Variants in FSTL5 observed in about 807,000 individuals in gnomAD.
The protein encoded by FSTL5 is follistatin like 5.
A neutral mutation model predicts 89.1 loss-of-function variants in FSTL5; 62 were observed. The observed-to-expected ratio is 0.70, with a 90% CI of 0.57 to 0.86. The LOEUF (loss-of-function observed/expected upper bound fraction) is 0.86, where lower values mean the gene tolerates loss of function less well. Ranked by LOEUF, FSTL5 falls within the 40% of genes least tolerant of loss-of-function variation. FSTL5 has a pLI of 0.00. For synonymous variants in FSTL5, 383 were observed against 346.2 expected (o/e 1.11, Z -1.18); for missense variants, 1,057 against 1,001.6 (o/e 1.06, Z -0.75).
intron 4 of FSTL5, among the ~76,000 whole-genome samples, chr4:161,877,697 G>A (rs915419445): frequency 2.0e-5 from 3 of 151,670 alleles, no homozygotes; most frequent in African/African-American, 2.4e-5. Context: ...GTTGTGGCGG[G>A]CCCCTGTAGT....
intron 1 of FSTL5, among the ~76,000 whole-genome samples, chr4:162,158,070 C>A (rs1733553011): frequency 6.6e-6 from 1 of 152,100 alleles, no homozygotes; most frequent in South Asian, 2.1e-4. Flanking sequence ...GATTTAATCT[C>A]ACAGACTGTT....
intron 3 of FSTL5, among the ~76,000 whole-genome samples, chr4:162,021,241 T>C (rs1737073519): frequency 1.3e-5 from 2 of 152,098 alleles, no homozygotes; most frequent in Admixed American, 1.3e-4. Context: ...TATAGGTCTA[T>C]CCCAAAATAG....
intron 15 of FSTL5, among the ~76,000 whole-genome samples, chr4:161,400,135 T>G (rs1257314025): frequency 6.6e-6 from 1 of 152,062 alleles, no homozygotes; most frequent in African/African-American, 2.4e-5. Context: ...TGTCCAAATC[T>G]CCAAAATAAA....
intron 4 of FSTL5, among the ~76,000 whole-genome samples, chr4:161,840,892 A>G (rs1731188726): frequency 6.6e-6 from 1 of 152,136 alleles, no homozygotes; most frequent in Admixed American, 6.6e-5. Flanking sequence ...TCAAAGGAGG[A>G]GGGAGAGTGA....
intron 10 of FSTL5, among the ~76,000 whole-genome samples, chr4:161,516,706 AAT>A (rs146526619): frequency 0.28 from 34,619 of 123,366 alleles, 6,190 homozygotes; most frequent in African/African-American, 0.31. Flanking sequence ...ATTATATGTA[AAT>A]ATATATATAT....
At chr4:161,992,928 G>A (rs372329601) in intron 3 of FSTL5, among the ~76,000 whole-genome samples, 160 of 7,722 alleles carry the variant, frequency 0.021, 2 homozygotes, top group African/African-American at 0.028. Context: ...ATATATATGT[G>A]TGTATATATA....
chr4:161,690,150 T>TG (rs2126718397), intron 6 of FSTL5, among the ~76,000 whole-genome samples: 1 of 152,228 alleles, frequency 6.6e-6, no homozygotes, highest in South Asian at 2.1e-4. Flanking sequence ...AGCCGAATGC[T>TG]GGGGCATATG....
intron 4 of FSTL5, among the ~76,000 whole-genome samples, chr4:161,834,144 C>A (rs970951191): frequency 6.6e-6 from 1 of 152,012 alleles, no homozygotes; most frequent in Non-Finnish European, 1.5e-5. Context: ...AAGGCTGGTT[C>A]AATATATGCA....
chr4:161,968,544 C>A (rs940400297), intron 3 of FSTL5, among the ~76,000 whole-genome samples: 1 of 151,924 alleles, frequency 6.6e-6, no homozygotes. Flanking sequence ...CAGAACTCCA[C>A]CATTTAATAT....
At chr4:161,877,141 G>T (rs944309923) in intron 4 of FSTL5, among the ~76,000 whole-genome samples, 3 of 144,236 alleles carry the variant, frequency 2.1e-5, no homozygotes, top group African/African-American at 7.7e-5. Flanking sequence ...CCGAGATCGC[G>T]CCCTTGCACT....
At chr4:161,783,700 TTTC>T (rs1246470148) in intron 4 of FSTL5, among the ~76,000 whole-genome samples, 1 of 28,036 alleles carries the variant, frequency 3.6e-5, no homozygotes, top group African/African-American at 1.1e-4. Flanking sequence ...TCTTTCTTTC[TTTC>T]TTTCTTTCTT....
chr4:161,739,373 C>T (rs906790006), intron 6 of FSTL5, among the ~76,000 whole-genome samples: 1 of 152,140 alleles, frequency 6.6e-6, no homozygotes, highest in Non-Finnish European at 1.5e-5. Flanking sequence ...AAGGAACCCA[C>T]CTTTATTTTG....
At chr4:162,148,412 A>G (rs1733085679) in intron 1 of FSTL5, among the ~76,000 whole-genome samples, 1 of 152,162 alleles carries the variant, frequency 6.6e-6, no homozygotes. Context: ...TGGACCTTTA[A>G]TGCATTTTCA....
intron 6 of FSTL5, among the ~76,000 whole-genome samples, chr4:161,751,675 G>A (rs896508461): frequency 6.6e-5 from 10 of 151,942 alleles, no homozygotes; most frequent in African/African-American, 2.2e-4. Flanking sequence ...TAACTACTTC[G>A]GAGGGTGAAA....
intron 4 of FSTL5, among the ~76,000 whole-genome samples, chr4:161,805,549 T>C (rs145131332): frequency 1.3e-5 from 2 of 152,216 alleles, no homozygotes; most frequent in Admixed American, 6.5e-5. Context: ...TCCAGATTCC[T>C]TCCTCAGACA....
chr4:161,741,659 A>G (rs1335216350), intron 6 of FSTL5, among the ~76,000 whole-genome samples: 5 of 151,532 alleles, frequency 3.3e-5, no homozygotes, highest in African/African-American at 1.2e-4. Context: ...GACTGTGGTA[A>G]GTGATGGAGT....
intron 7 of FSTL5, among the ~76,000 whole-genome samples, chr4:161,635,115 G>A (rs1331141764): frequency 6.6e-6 from 1 of 152,040 alleles, no homozygotes; most frequent in African/African-American, 2.4e-5. Flanking sequence ...CTGGCTGGGC[G>A]CAGTGGCTCA....
intron 6 of FSTL5, among the ~76,000 whole-genome samples, chr4:161,726,901 C>CAA (rs752981511): frequency 0.012 from 1,722 of 142,604 alleles, 27 homozygotes; most frequent in African/African-American, 0.041. Context: ...TCCCAAAGAG[C>CAA]AAAAAAAAAA....
intron 12 of FSTL5, among the ~76,000 whole-genome samples, chr4:161,487,311 T>C (rs749132849): frequency 2.6e-5 from 4 of 152,148 alleles, no homozygotes; most frequent in Non-Finnish European, 5.9e-5. Context: ...CACTATGCAA[T>C]GTCATGCAGA....
Sources: allele counts gnomAD v4.1 joint callset (sites outside exome capture counted in the v4.1 genomes callset), GRCh38; gene constraint gnomAD v4.1.1; transcripts MANE v1.5; gene names NCBI Gene and HGNC (gene_info 2026-07-23, HGNC 2026-07-21).